Variants in DLC1 observed in about 807,000 individuals in gnomAD.
DLC1 encodes the protein DLC1 Rho GTPase activating protein.
DLC1 carries 54 observed loss-of-function variants against 140.3 expected under a neutral mutation model. The ratio of observed to expected loss-of-function variants is 0.38; its 90% CI spans 0.31 to 0.48. The LOEUF (loss-of-function observed/expected upper bound fraction) is 0.48, where lower values mean the gene tolerates loss of function less well. Among genes scored for constraint, DLC1 ranks in the 20% least tolerant of loss-of-function variants. The pLI is 0.96. For missense variants in DLC1, 2,536 were observed against 1,907.0 expected (o/e 1.33, Z -6.14); for synonymous variants, 986 against 728.1 (o/e 1.35, Z -5.70).
chr8:13,570,373 C>A (rs962991925), intron 1 of DLC1, among the ~76,000 whole-genome samples: 1 of 149,512 alleles, frequency 6.7e-6, no homozygotes, highest in Admixed American at 6.7e-5. Flanking sequence ...TATACATGTG[C>A]CATGCTGGTG....
intron 4 of DLC1, among the ~76,000 whole-genome samples, chr8:13,387,113 G>A (rs111267076): frequency 2.6e-5 from 4 of 151,966 alleles, no homozygotes; most frequent in African/African-American, 7.2e-5. Flanking sequence ...CATGTATATC[G>A]TTTTTTCCTT....
chr8:13,498,694 T>G (rs1302626335), intron 2 of DLC1, among the ~76,000 whole-genome samples: 2 of 152,182 alleles, frequency 1.3e-5, no homozygotes, highest in East Asian at 3.8e-4. Flanking sequence ...ATGACTTTCT[T>G]TATAAGAATT....
At chr8:13,348,090 A>AAAAT (rs1554502030) in intron 4 of DLC1, among the ~76,000 whole-genome samples, 25 of 106,700 alleles carry the variant, frequency 2.3e-4, no homozygotes, top group African/African-American at 8.0e-4. Context: ...CTCCATCTCA[A>AAAAT]AAACAAACAA....
At chr8:13,225,740 T>C (rs1828766609) in intron 5 of DLC1, among the ~76,000 whole-genome samples, 1 of 151,574 alleles carries the variant, frequency 6.6e-6, no homozygotes, top group African/African-American at 2.4e-5. Flanking sequence ...CTCAGCCTCC[T>C]GAGTAGCTGG....
chr8:13,460,166 G>C (rs1360590335), intron 2 of DLC1, among the ~76,000 whole-genome samples: 1 of 152,192 alleles, frequency 6.6e-6, no homozygotes, highest in African/African-American at 2.4e-5. Context: ...GTCTTATCCT[G>C]ATGTGTATTG....
intron 5 of DLC1, chr8:13,160,252 G>T (rs1021740823): frequency 3.3e-5 from 5 of 152,112 alleles, no homozygotes; most frequent in African/African-American, 2.4e-5. Flanking sequence ...CCTTCTCCAC[G>T]CCCGCTGCTT....
At chr8:13,512,232 A>G (rs1026640376) in intron 1 of DLC1, among the ~76,000 whole-genome samples, 2 of 152,076 alleles carry the variant, frequency 1.3e-5, no homozygotes, top group East Asian at 3.8e-4. Flanking sequence ...TCTGGTCATG[A>G]AAATGGAAAA....
At chr8:13,251,567 G>C (rs1830005183) in intron 5 of DLC1, among the ~76,000 whole-genome samples, 1 of 152,078 alleles carries the variant, frequency 6.6e-6, no homozygotes, top group Non-Finnish European at 1.5e-5. Context: ...CAAGGTCCTT[G>C]GATACAGGAC....
intron 5 of DLC1, among the ~76,000 whole-genome samples, chr8:13,125,152 T>C (rs1220538351): frequency 6.6e-6 from 1 of 152,170 alleles, no homozygotes; most frequent in South Asian, 2.1e-4. Context: ...AATTTTCGTA[T>C]TTTTAGTAGA....
chr8:13,554,484 A>G (rs1447786240), intron 1 of DLC1, among the ~76,000 whole-genome samples: 1 of 152,110 alleles, frequency 6.6e-6, no homozygotes, highest in Admixed American at 6.5e-5. Context: ...GCCATCTCAG[A>G]GGTAAAATTT....
intron 1 of DLC1, among the ~76,000 whole-genome samples, chr8:13,514,315 C>T (rs1321501929): frequency 1.3e-5 from 2 of 152,082 alleles, no homozygotes; most frequent in Admixed American, 1.3e-4. Context: ...ACTGATCCGA[C>T]AGCTCAATTA....
chr8:13,563,116 T>G (rs936717719), intron 1 of DLC1, among the ~76,000 whole-genome samples: 4 of 151,442 alleles, frequency 2.6e-5, no homozygotes, highest in African/African-American at 9.7e-5. Flanking sequence ...CCTTTTTACT[T>G]TTTCATTTAT....
At chr8:13,577,322 C>G (rs1359544804) in intron 1 of DLC1, among the ~76,000 whole-genome samples, 1 of 152,170 alleles carries the variant, frequency 6.6e-6, no homozygotes, top group Non-Finnish European at 1.5e-5. Context: ...AGGACTCCAT[C>G]TAATTACAGC....
chr8:13,574,631 T>C (rs893320347), intron 1 of DLC1, among the ~76,000 whole-genome samples: 1 of 152,234 alleles, frequency 6.6e-6, no homozygotes, highest in Admixed American at 6.5e-5. Context: ...ATAATAGAAA[T>C]ATTTATTTCA....
At chr8:13,387,870 A>G (rs1836592233) in intron 4 of DLC1, among the ~76,000 whole-genome samples, 1 of 152,064 alleles carries the variant, frequency 6.6e-6, no homozygotes, top group African/African-American at 2.4e-5. Flanking sequence ...CATGTTCAAC[A>G]CTGGGTTCCT....
intron 2 of DLC1, among the ~76,000 whole-genome samples, chr8:13,465,584 T>G (rs1799893419): frequency 6.6e-6 from 1 of 152,166 alleles, no homozygotes; most frequent in African/African-American, 2.4e-5. Flanking sequence ...TTCTGGGTTA[T>G]TTGTATTTTT....
intron 5 of DLC1, among the ~76,000 whole-genome samples, chr8:13,230,107 T>A (rs1362413342): frequency 1.3e-5 from 2 of 152,222 alleles, no homozygotes; most frequent in Non-Finnish European, 1.5e-5. Context: ...TTTATGAGGT[T>A]CACTGATTTC....
In DLC1 at chr8:13,455,742, G is replaced by A. The variant is rs773622640; in HGVS notation, c.1023+43307C>T. On this transcript the variant is annotated intron_variant, in intron 2 of 17. Transcript: ENST00000276297. ...ATAAAAATTCGAGGATAGGCAAGGT[G>A]GCTCATGCATGTAATCCCAGCACTT... Among the ~76,000 whole-genome samples, 8 of 152,272 alleles carry A rather than the reference G, an allele frequency of 5.3e-5. 1 individual carries two copies. The South Asian group carries it at 1.7e-3, about 32-fold the overall frequency.
chr8:13,580,797 G>T (rs1805067635), intron 1 of DLC1, among the ~76,000 whole-genome samples: 1 of 152,188 alleles, frequency 6.6e-6, no homozygotes, highest in African/African-American at 2.4e-5. Flanking sequence ...CACCAGGAGG[G>T]TATGAAAAGG....
Sources: allele counts gnomAD v4.1 joint callset (sites outside exome capture counted in the v4.1 genomes callset), GRCh38; gene constraint gnomAD v4.1.1; transcripts MANE v1.5; gene names NCBI Gene and HGNC (gene_info 2026-07-23, HGNC 2026-07-21).